The following MYOM3 variants were observed in gnomAD, a reference collection of about 807,000 sequenced individuals.
MYOM3 encodes myomesin 3, also known as myomesin-3.
Under a neutral mutation model 191.7 loss-of-function variants are expected in MYOM3, and 155 were observed. The observed-to-expected ratio is 0.81, with a 90% CI of 0.71 to 0.92. The LOEUF is 0.92. MYOM3 is among the 40% of genes least tolerant of loss of function. The pLI, the probability that MYOM3 is intolerant of heterozygous loss-of-function variation, is 0.00. For synonymous variants in MYOM3, 757 were observed against 762.9 expected, an observed-to-expected ratio of 0.99 and a Z score of 0.13; for missense variants, 1,889 against 1,890.6, an observed-to-expected ratio of 1.00 and a Z score of 0.02.
intron 4 of MYOM3, 21 bp from the exon 5 acceptor site, chr1:24,106,098 A>G: frequency 6.3e-7 from 1 of 1,586,792 alleles, no homozygotes; most frequent in African/African-American, 1.3e-5. Flanking sequence ...GAAGAGGTGT[A>G]TGACGCTGTG....
intron 14 of MYOM3, among the ~76,000 whole-genome samples, chr1:24,088,012 T>C (rs1643768785): frequency 6.6e-6 from 1 of 152,198 alleles, no homozygotes; most frequent in Admixed American, 6.5e-5. Context: ...AACTGGTGGA[T>C]ATAGTATTAA....
intron 25 of MYOM3, among the ~76,000 whole-genome samples, chr1:24,068,867 G>A (rs915711604): frequency 8.5e-5 from 13 of 152,166 alleles, no homozygotes; most frequent in African/African-American, 2.9e-4. Flanking sequence ...GGGATTACAA[G>A]CATGCGCCAC....
chr1:24,080,556 T>C (rs552856365), intron 19 of MYOM3, among the ~76,000 whole-genome samples: 2 of 152,242 alleles, frequency 1.3e-5, no homozygotes, highest in African/African-American at 4.8e-5. Context: ...ATGTCAAAAC[T>C]CCACCTCTTC....
chr1:24,101,556 G>C (rs957259001), intron 5 of MYOM3, among the ~76,000 whole-genome samples: 1 of 152,040 alleles, frequency 6.6e-6, no homozygotes, highest in Non-Finnish European at 1.5e-5. Context: ...AGATCAGCCT[G>C]GGCAACATAG....
At chr1:24,105,748 C>T (rs949231893) in intron 5 of MYOM3, among the ~76,000 whole-genome samples, 172 bp downstream of exon 5, 8 of 152,164 alleles carry the variant, frequency 5.3e-5, no homozygotes, top group Non-Finnish European at 8.8e-5. Flanking sequence ...CGAGGCCCCG[C>T]CTCTAAAAAA....
chr1:24,090,199 C>T (rs150779661), intron 12 of MYOM3, 81 bp from the exon 13 acceptor site: 13,992 of 1,107,958 alleles, frequency 0.013, 133 homozygotes, highest in Non-Finnish European at 0.016. Context: ...CCAGGGTCTG[C>T]GTCCTGCCCC....
chr1:24,097,324 G>T (rs1007081941), intron 7 of MYOM3, among the ~76,000 whole-genome samples: 1 of 152,188 alleles, frequency 6.6e-6, no homozygotes, highest in Non-Finnish European at 1.5e-5. Flanking sequence ...CGGGCAGGTG[G>T]GTTCGCCTTG....
At chr1:24,110,524 TG>T (rs1644030056) in intron 1 of MYOM3, among the ~76,000 whole-genome samples, 1 of 152,140 alleles carries the variant, frequency 6.6e-6, no homozygotes, top group Admixed American at 6.5e-5. Flanking sequence ...TGGAGGTGTC[TG>T]GGGCTCGGGC....
chr1:24,074,002 A>G (rs1643565586), intron 23 of MYOM3, among the ~76,000 whole-genome samples, 158 bp downstream of exon 23: 1 of 152,110 alleles, frequency 6.6e-6, no homozygotes, highest in Admixed American at 6.6e-5. Flanking sequence ...GGTGCTCAAC[A>G]GATATCTATT....
Position 24,087,257 on chromosome 1 carries a change from G to A in MYOM3, c.1615-430C>T, listed in dbSNP as rs1557611021. ...GCTCCCCACCATAACCTTGATGCAG[G>A]CTGCCAGCACCCCGCACCTGAACGA... On this transcript the variant is annotated intron_variant, in intron 14 of 36. Transcript: ENST00000374434. The surrounding 1 kb of genome is among the most constrained non-coding windows in gnomAD (Gnocchi z 4.5). Among the ~76,000 whole-genome samples, 1 of 152,090 alleles carries A rather than the reference G, an allele frequency of 6.6e-6. No homozygotes were observed. The highest frequency in any genetic ancestry group is 1.5e-5 in the Non-Finnish European group (1 of 68,016).
chr1:24,061,154 A>C, intron 34 of MYOM3, 72 bp from the exon 35 acceptor site: 1 of 1,608,424 alleles, frequency 6.2e-7, no homozygotes, highest in Non-Finnish European at 8.5e-7. Flanking sequence ...GGTGGAGGTG[A>C]GGGGTGATGA....
rs544699008 is a variant in MYOM3 at position 24,110,104 on chromosome 1, C to T, written c.-18-1450G>A. On this transcript the variant is annotated intron_variant, in intron 1 of 36. Transcript: ENST00000374434. ...TCTCATATCCGGGCTTCAGTCACTG[C>T]TGGGTCTCTGAGGGCCCCCCTGATG... is the stretch of plus-strand genomic sequence containing the variant. Among the ~76,000 whole-genome samples the T allele has an allele frequency of 1.7e-4, 26 of 152,316 alleles. No homozygotes were observed. In the East Asian group the frequency reaches 4.2e-3, roughly 25 times the overall value.
At chr1:24,061,729 G>A (rs754839934) in intron 33 of MYOM3, among the ~76,000 whole-genome samples, 8 of 151,866 alleles carry the variant, frequency 5.3e-5, no homozygotes, top group Admixed American at 2.6e-4. Context: ...ATAGGCAGGC[G>A]TCACCATGCC....
At position 24,074,404 on chromosome 1, in the gene MYOM3, C is replaced by T. The variant is rs568180002; in HGVS notation, c.2859-135G>A. 21 of 632,252 alleles carry T rather than the reference C, an allele frequency of 3.3e-5. 2 individuals are homozygous for T. In the South Asian group the frequency reaches 4.2e-4, roughly 12 times the overall value. 39.2% of individuals were successfully genotyped at this position (632,252 alleles called of 1,614,324 possible). On this transcript the variant is annotated intron_variant, in intron 22 of 36. Transcript: ENST00000374434. ...CAGACCCTGGCCAAGTCAGGAAGCA[C>T]AGGCAGCTGCCTCCTGCTACCTCCT...
At chr1:24,095,133 G>T in intron 8 of MYOM3, 143 bp from the exon 9 acceptor site, 3 of 889,266 alleles carry the variant, frequency 3.4e-6, no homozygotes, top group Non-Finnish European at 5.1e-6. Context: ...GGTAGGAGGG[G>T]AAGAGACTTA....
Position 24,071,109 on chromosome 1 carries a change from C to T in MYOM3, c.3150+8G>A. 1 of 1,613,308 alleles carries T rather than the reference C, an allele frequency of 6.2e-7. No individual in the cohort carries two copies. Among genetic ancestry groups the T allele is most frequent in the Admixed American group, 1.7e-5 (1 of 59,958 alleles). ...GCCTCACTTCAGGGATTGTGAGCAC[C>T]CAATTACCGGCGAGCTGAAGATCTC... On this transcript the variant is annotated splice_region_variant and intron_variant, in intron 25 of 36. Coordinates refer to ENST00000374434, the MANE Select transcript of MYOM3 (RefSeq NM_152372.4).
rs1346005600 is a variant in MYOM3 at position 24,063,678 on chromosome 1, G to C, written c.3623-148C>G. 1.1e-6 allele frequency: 1 copy of C among 869,732 alleles called. No homozygotes were observed. Among genetic ancestry groups the C allele is most frequent in the Admixed American group, 2.1e-5 (1 of 47,540 alleles). 53.9% of individuals were successfully genotyped at this position (869,732 alleles called of 1,614,324 possible). The stretch of plus-strand genomic sequence containing the variant: ...TCTGTAGGATGACTCTCATAGCTTG[G>C]GGATAGGAGGGGGTTCAGGGCACTC... On this transcript the variant is annotated intron_variant, in intron 30 of 36. Transcript: ENST00000374434. The surrounding 1 kb of genome is among the most constrained non-coding windows in gnomAD (Gnocchi z 4.5).
chr1:24,099,925 T>G (rs1643900551), intron 5 of MYOM3, 150 bp from the exon 6 acceptor site: 1 of 625,994 alleles, frequency 1.6e-6, no homozygotes, highest in Non-Finnish European at 2.9e-6. Flanking sequence ...TGGAGCGCAG[T>G]AGTACAATCT....
In MYOM3 at chr1:24,075,317, A is replaced by G. The variant is rs910729169; in HGVS notation, c.2858+2T>C. 5.6e-6 allele frequency: 9 copies of G among 1,611,936 alleles called. No homozygotes were observed. Among genetic ancestry groups the G allele is most frequent in the Admixed American group, 3.3e-5 (2 of 59,992 alleles). On this transcript the variant is annotated splice_donor_variant, in intron 22 of 36. Transcript: ENST00000374434. LOFTEE classifies it high-confidence loss of function. ...AGTTGTTTCTCCTCTCGCCTCACTT[A>G]CTTGTTAACTTTATCCTCGATCTTG...
Sources: allele counts gnomAD v4.1 joint callset (sites outside exome capture counted in the v4.1 genomes callset), GRCh38; gene constraint gnomAD v4.1.1; non-coding constraint Gnocchi (gnomAD v3.1); transcripts MANE v1.5; gene names NCBI Gene and HGNC (gene_info 2026-07-23, HGNC 2026-07-21).